CADM1: variants seen among roughly 807,000 people sequenced by gnomAD.
CADM1 encodes cell adhesion molecule 1.
A neutral mutation model predicts 53.1 loss-of-function variants in CADM1; 15 were observed. That is an observed-to-expected ratio of 0.28 (90% confidence interval 0.19 to 0.44). The LOEUF is 0.44. Ranked by LOEUF, CADM1 falls within the 20% of genes least tolerant of loss-of-function variation. The probability of loss-of-function intolerance (pLI) is 1.00; values close to 1 mark genes in which losing one functional copy is unlikely to be tolerated. For missense variants in CADM1, 434 were observed against 611.3 expected, an observed-to-expected ratio of 0.71 and a Z score of 3.06; for synonymous variants, 281 against 243.0, an observed-to-expected ratio of 1.16 and a Z score of -1.45.
Position 115,170,918 on chromosome 11 carries a change from G to A in CADM1, c.*5556C>T, listed in dbSNP as rs1459520600. 2.6e-5 allele frequency: 4 copies of A among 152,142 alleles called. No homozygotes were observed. The highest frequency in any genetic ancestry group is 4.4e-5 in the Non-Finnish European group (3 of 68,036). The allele number at this position is 152,142 out of a possible 1,614,324, so 9.4% of individuals were successfully genotyped here. A position where few individuals can be genotyped will look rare whatever the true frequency, so the allele number is the denominator to read the frequency against. ...GTAAGGATGGACATGCAAACATCAA[G>A]GTTTGAAATACAGCATCGGTGGCCC... On this transcript the variant is annotated 3_prime_UTR_variant, in exon 12 of 12. Transcript: ENST00000331581.
intron 1 of CADM1, 32 bp downstream of exon 1, chr11:115,504,239 T>G: frequency 3.2e-6 from 5 of 1,564,078 alleles, no homozygotes; most frequent in Non-Finnish European, 4.3e-6. Context: ...CTTCGGAGAT[T>G]TAGGGGCCAA....
intron 1 of CADM1, among the ~76,000 whole-genome samples, chr11:115,268,138 T>C (rs1027063852): frequency 4.6e-5 from 7 of 152,096 alleles, no homozygotes; most frequent in African/African-American, 1.7e-4. Context: ...CCACTGGCCT[T>C]GTAGCCAACA....
intron 1 of CADM1, among the ~76,000 whole-genome samples, chr11:115,434,041 C>CA (rs889616383): frequency 1.3e-5 from 2 of 152,090 alleles, no homozygotes; most frequent in African/African-American, 2.4e-5. Flanking sequence ...GGCAGTAAGT[C>CA]AAAAAAATTT....
chr11:115,339,720 T>A (rs1945373589), intron 1 of CADM1, among the ~76,000 whole-genome samples: 2 of 152,266 alleles, frequency 1.3e-5, no homozygotes, highest in Admixed American at 1.3e-4. Context: ...GAATATTAGA[T>A]CCAAAGTTTA....
In CADM1 at chr11:115,175,397, C is replaced by G. The variant is rs530293329; in HGVS notation, c.*1077G>C. The G allele has an allele frequency of 1.0e-6, 1 of 982,924 alleles. No individual in the cohort carries two copies. Among genetic ancestry groups the G allele is most frequent in the Non-Finnish European group, 1.2e-6 (1 of 827,946 alleles). The allele number at this position is 982,924 out of a possible 1,614,324, so 60.9% of individuals were successfully genotyped here. ...AAGGAAAAAAAAAAAAAAATCAACT[C>G]TGTCCCATTCAGTCATTCGCACAAC... On this transcript the variant is annotated 3_prime_UTR_variant, in exon 12 of 12. Transcript: ENST00000331581.
intron 1 of CADM1, among the ~76,000 whole-genome samples, chr11:115,410,760 C>T (rs1444331552): frequency 3.3e-5 from 5 of 152,182 alleles, no homozygotes; most frequent in East Asian, 3.9e-4. Context: ...ATTTAATAAA[C>T]AAACAAACAA....
intron 1 of CADM1, among the ~76,000 whole-genome samples, chr11:115,301,946 A>G (rs533179901): frequency 6.6e-6 from 1 of 152,108 alleles, no homozygotes; most frequent in Non-Finnish European, 1.5e-5. Flanking sequence ...CTATACATAC[A>G]CAAAATAAAA....
At chr11:115,340,649 TATATA>T (rs1258826225) in intron 1 of CADM1, among the ~76,000 whole-genome samples, 69 of 51,438 alleles carry the variant, frequency 1.3e-3, no homozygotes, top group Non-Finnish European at 1.8e-3. Flanking sequence ...TATATATATA[TATATA>T]TATATTTTTT....
chr11:115,249,902 T>C (rs1235440286), intron 1 of CADM1, among the ~76,000 whole-genome samples: 2 of 152,172 alleles, frequency 1.3e-5, no homozygotes, highest in Non-Finnish European at 2.9e-5. Context: ...TCACAATACT[T>C]GCCATTACTA....
At chr11:115,367,554 G>A (rs71466761) in intron 1 of CADM1, among the ~76,000 whole-genome samples, 4,106 of 152,058 alleles carry the variant, frequency 0.027, 83 homozygotes, top group Non-Finnish European at 0.043. Flanking sequence ...AAGGAGTAAC[G>A]AGAACACGAA....
chr11:115,501,786 C>A (rs1426042585), intron 1 of CADM1, among the ~76,000 whole-genome samples: 3 of 152,050 alleles, frequency 2.0e-5, no homozygotes, highest in Non-Finnish European at 4.4e-5. Flanking sequence ...GAACTGGAGG[C>A]CTCTGAGAAA....
intron 1 of CADM1, among the ~76,000 whole-genome samples, chr11:115,293,684 C>T (rs1373268295): frequency 6.6e-6 from 1 of 152,108 alleles, no homozygotes; most frequent in Non-Finnish European, 1.5e-5. Context: ...TAGTTTTTGT[C>T]TCATTATTGC....
intron 1 of CADM1, among the ~76,000 whole-genome samples, chr11:115,313,638 G>A (rs1487619275): frequency 6.6e-6 from 1 of 152,116 alleles, no homozygotes; most frequent in Non-Finnish European, 1.5e-5. Flanking sequence ...ATGCAGCCTG[G>A]CACAAGGCTG....
intron 1 of CADM1, among the ~76,000 whole-genome samples, chr11:115,483,969 C>T (rs1201516927): frequency 6.6e-6 from 1 of 152,282 alleles, no homozygotes. Flanking sequence ...CTAGCCAGCC[C>T]AGGTTCCAGA....
intron 1 of CADM1, among the ~76,000 whole-genome samples, chr11:115,455,030 A>G (rs796977626): frequency 1.1e-4 from 17 of 152,288 alleles, no homozygotes; most frequent in African/African-American, 3.4e-4. Flanking sequence ...ATCCATAATG[A>G]TAGAGTGAAT....
intron 1 of CADM1, among the ~76,000 whole-genome samples, chr11:115,468,447 A>G (rs1464283265): frequency 1.8e-4 from 28 of 152,246 alleles, no homozygotes; most frequent in Admixed American, 1.8e-3. Context: ...CTTCATGAAT[A>G]GGATATTTGT....
At chr11:115,501,272 G>A (rs1216338424) in intron 1 of CADM1, among the ~76,000 whole-genome samples, 5 of 152,084 alleles carry the variant, frequency 3.3e-5, no homozygotes, top group Non-Finnish European at 5.9e-5. Context: ...TCCCTACTGC[G>A]GCTATTCAAT....
chr11:115,475,455 A>G (rs1949110401), intron 1 of CADM1, among the ~76,000 whole-genome samples: 1 of 152,150 alleles, frequency 6.6e-6, no homozygotes, highest in South Asian at 2.1e-4. Context: ...TATGGCTCAC[A>G]AAAAAACCTG....
At chr11:115,200,166 C>A (rs45529533) in intron 8 of CADM1, among the ~76,000 whole-genome samples, 11,394 of 152,226 alleles carry the variant, frequency 0.075, 570 homozygotes, top group Non-Finnish European at 0.12. Flanking sequence ...GAAAGAGAAA[C>A]ATACAATATA....
Sources: allele counts gnomAD v4.1 joint callset (sites outside exome capture counted in the v4.1 genomes callset), GRCh38; gene constraint gnomAD v4.1.1; transcripts MANE v1.5; gene names NCBI Gene and HGNC (gene_info 2026-07-23, HGNC 2026-07-21).